The following CTNND2 variants were observed in gnomAD, a reference collection of about 807,000 sequenced individuals.
CTNND2 encodes the protein catenin delta 2, also known as catenin delta-2.
CTNND2 carries 22 observed loss-of-function variants against 144.4 expected under a neutral mutation model. The observed-to-expected ratio is 0.15, with a 90% confidence interval of 0.11 to 0.22. The LOEUF is 0.22. Ranked by LOEUF, CTNND2 falls within the 10% of genes least tolerant of loss-of-function variation. The pLI is 1.00. For missense variants in CTNND2, 1,353 were observed against 1,618.8 expected, an observed-to-expected ratio of 0.84 and a Z score of 2.82; for synonymous variants, 751 against 695.6, an observed-to-expected ratio of 1.08 and a Z score of -1.25.
chr5:11,625,957 C>T (rs2434668), intron 2 of CTNND2, among the ~76,000 whole-genome samples: 15,301 of 152,090 alleles, frequency 0.1, 1,811 homozygotes, highest in African/African-American at 0.29. Flanking sequence ...AATTTAACTT[C>T]AACTGAAATT....
At chr5:11,404,568 T>C (rs886931118) in intron 5 of CTNND2, among the ~76,000 whole-genome samples, 10 of 151,212 alleles carry the variant, frequency 6.6e-5, no homozygotes, top group African/African-American at 2.4e-4. Context: ...GCAAGTGCCT[T>C]ATTGTTTGAT....
chr5:11,694,725 T>G (rs898035429), intron 2 of CTNND2, among the ~76,000 whole-genome samples: 1 of 152,236 alleles, frequency 6.6e-6, no homozygotes, highest in African/African-American at 2.4e-5. Context: ...ATGGTACTCA[T>G]GTAAGGATTA....
intron 9 of CTNND2, among the ~76,000 whole-genome samples, chr5:11,310,998 C>A (rs1205385271): frequency 6.8e-6 from 1 of 147,714 alleles, no homozygotes; most frequent in South Asian, 2.2e-4. Flanking sequence ...TCTCTCCATG[C>A]ACCCTCACCC....
chr5:11,372,189 T>C (rs1392314554), intron 7 of CTNND2, among the ~76,000 whole-genome samples: 1 of 152,320 alleles, frequency 6.6e-6, no homozygotes. Flanking sequence ...TCAAATACTT[T>C]CCAGCAAAAA....
At chr5:11,188,787 G>C (rs546569472) in intron 11 of CTNND2, among the ~76,000 whole-genome samples, 82 of 152,268 alleles carry the variant, frequency 5.4e-4, no homozygotes, top group African/African-American at 1.6e-3. Flanking sequence ...ATGGGATACA[G>C]CTGCGTTATC....
chr5:11,113,712 T>C (rs1753257125), intron 13 of CTNND2, among the ~76,000 whole-genome samples: 1 of 152,186 alleles, frequency 6.6e-6, no homozygotes, highest in Non-Finnish European at 1.5e-5. Context: ...TACAATTCCA[T>C]TGTATGGGTG....
In CTNND2 at chr5:10,981,659, G is replaced by C. The variant is rs61752668; in HGVS notation, c.3417+114C>G. ...TGAGGAGAGGGCCTCAGGGGACGTTGCCTTCTTTTTCAGTTCTTTATGTAT... is the reference window on the plus strand; with the variant it reads ...TGAGGAGAGGGCCTCAGGGGACGTTCCCTTCTTTTTCAGTTCTTTATGTAT... On this transcript the variant is annotated intron_variant, in intron 21 of 21. Transcript: ENST00000304623. 0.015 allele frequency: 14,614 copies of C among 991,578 alleles called. 197 individuals carry two copies. The highest frequency in any genetic ancestry group is 0.014 in the Non-Finnish European group (9,195 of 636,066). The allele number at this position is 991,578 out of a possible 1,614,324, so 61.4% of individuals were successfully genotyped here.
At chr5:11,661,213 G>C (rs114441284) in intron 2 of CTNND2, among the ~76,000 whole-genome samples, 2,183 of 152,120 alleles carry the variant, frequency 0.014, 56 homozygotes, top group African/African-American at 0.049. Flanking sequence ...AATCTAATTA[G>C]GTTTCAGGAA....
At chr5:11,842,167 C>T (rs912409595) in intron 1 of CTNND2, among the ~76,000 whole-genome samples, 1 of 151,800 alleles carries the variant, frequency 6.6e-6, no homozygotes, top group African/African-American at 2.4e-5. Context: ...GAACCCAGTC[C>T]CCTTTTTTCT....
intron 21 of CTNND2, among the ~76,000 whole-genome samples, chr5:10,980,104 G>T (rs759220054): frequency 3.3e-5 from 5 of 152,086 alleles, no homozygotes; most frequent in Non-Finnish European, 5.9e-5. Flanking sequence ...ACTATCATCA[G>T]AGTGAACAGG....
chr5:11,571,771 C>T (rs1485716451), intron 2 of CTNND2, among the ~76,000 whole-genome samples: 1 of 152,142 alleles, frequency 6.6e-6, no homozygotes, highest in African/African-American at 2.4e-5. Flanking sequence ...AGTCACTTCC[C>T]ACTTTGTCCA....
rs755028664 is a variant in CTNND2, at chr5:10,988,082, C to T, written c.3343+29G>A. On this transcript the variant is annotated intron_variant, in intron 20 of 21. Transcript: ENST00000304623. The surrounding 1 kb of genome is among the most constrained non-coding windows in gnomAD (Gnocchi z 5.9). ...TTGTCGCGGGTCAAGCCACCAAGTTCCAGGAGGGGGCGCGCGAGGGGCGCT... is the reference window on the plus strand; with the variant it reads ...TTGTCGCGGGTCAAGCCACCAAGTTTCAGGAGGGGGCGCGCGAGGGGCGCT... The T allele has an allele frequency of 1.2e-5, 19 of 1,613,324 alleles. No homozygotes were observed. In the East Asian group the frequency reaches 4.0e-4, roughly 34 times the overall value.
chr5:11,855,306 A>G (rs1228374964), intron 1 of CTNND2, among the ~76,000 whole-genome samples: 1 of 152,124 alleles, frequency 6.6e-6, no homozygotes, highest in Non-Finnish European at 1.5e-5. Context: ...TAGTTCCCCT[A>G]CCTTTCCTGT....
chr5:11,535,216 G>A (rs890662797), intron 3 of CTNND2, among the ~76,000 whole-genome samples: 1 of 151,392 alleles, frequency 6.6e-6, no homozygotes, highest in Non-Finnish European at 1.5e-5. Flanking sequence ...ACTTCTTATG[G>A]AACATTCACT....
chr5:11,158,521 T>C (rs1490796561), intron 12 of CTNND2, among the ~76,000 whole-genome samples: 4 of 152,200 alleles, frequency 2.6e-5, no homozygotes, highest in Admixed American at 6.5e-5. Context: ...TGAACGCATG[T>C]AGATATTCGT....
At chr5:11,602,153 T>C (rs1779826415) in intron 2 of CTNND2, among the ~76,000 whole-genome samples, 1 of 152,068 alleles carries the variant, frequency 6.6e-6, no homozygotes, top group Admixed American at 6.6e-5. Context: ...AAAATATATT[T>C]TATTATTATA....
At chr5:11,065,578 T>A (rs904350914) in intron 16 of CTNND2, among the ~76,000 whole-genome samples, 4 of 152,212 alleles carry the variant, frequency 2.6e-5, no homozygotes, top group African/African-American at 9.6e-5. Context: ...ACCCACTCTA[T>A]CTCTTTTTAT....
intron 3 of CTNND2, among the ~76,000 whole-genome samples, chr5:11,436,807 T>C (rs924858123): frequency 6.6e-6 from 1 of 152,238 alleles, no homozygotes; most frequent in African/African-American, 2.4e-5. Flanking sequence ...CCCTTTTGAA[T>C]TGAAAGATAA....
intron 8 of CTNND2, among the ~76,000 whole-genome samples, chr5:11,356,027 T>C (rs1050495953): frequency 6.6e-6 from 1 of 151,742 alleles, no homozygotes; most frequent in African/African-American, 2.4e-5. Flanking sequence ...CTATAAAACT[T>C]CAATTAAAGA....
Sources: allele counts gnomAD v4.1 joint callset (sites outside exome capture counted in the v4.1 genomes callset), GRCh38; gene constraint gnomAD v4.1.1; non-coding constraint Gnocchi (gnomAD v3.1); transcripts MANE v1.5; gene names NCBI Gene and HGNC (gene_info 2026-07-23, HGNC 2026-07-21).